The following IFT25 variants were observed in gnomAD, a reference collection of about 807,000 sequenced individuals.
The protein encoded by IFT25 is intraflagellar transport 25.
At chr1:53,938,899 AC>A in the IFT25 span, among the ~76,000 whole-genome samples, 1 of 151,928 alleles carries the variant, frequency 6.6e-6, no homozygotes, top group Non-Finnish European at 1.5e-5. Flanking sequence ...ACATGGAGAA[AC>A]CCCGTCTCTA....
the IFT25 span, chr1:53,929,938 T>C: frequency 7.0e-7 from 1 of 1,427,258 alleles, no homozygotes; most frequent in South Asian, 1.6e-5. Context: ...CATATATGCC[T>C]TCTGCCTGTG....
chr1:53,943,455 G>A, the IFT25 span, among the ~76,000 whole-genome samples: 1 of 150,594 alleles, frequency 6.6e-6, no homozygotes, highest in Non-Finnish European at 1.5e-5. Context: ...CAAAACATCT[G>A]AAGTTTTAAC....
chr1:53,946,027 A>T, the IFT25 span: 1 of 135,148 alleles, frequency 7.4e-6, no homozygotes, highest in African/African-American at 2.9e-5. Context: ...TCTTAGCGCC[A>T]CGCCTCCCAC....
the IFT25 span, chr1:53,921,881 C>T: frequency 1.5e-6 from 1 of 663,380 alleles, no homozygotes; most frequent in African/African-American, 1.8e-5. Flanking sequence ...TATATAACAA[C>T]ACATAAGGCC....
the IFT25 span, chr1:53,929,795 G>C: frequency 4.7e-6 from 2 of 423,044 alleles, no homozygotes; most frequent in East Asian, 9.2e-5. Flanking sequence ...TGCTTTGGAA[G>C]GGTTTCGAAT....
At chr1:53,931,507 G>T in the IFT25 span, among the ~76,000 whole-genome samples, 1 of 152,120 alleles carries the variant, frequency 6.6e-6, no homozygotes, top group Non-Finnish European at 1.5e-5. Flanking sequence ...TGGAAGACTG[G>T]TATTTCTTCC....
the IFT25 span, among the ~76,000 whole-genome samples, chr1:53,911,679 G>T: frequency 6.6e-6 from 1 of 152,132 alleles, no homozygotes. Flanking sequence ...TAAGTAACTT[G>T]CATAACTTCT....
the IFT25 span, among the ~76,000 whole-genome samples, chr1:53,941,424 A>C: frequency 6.1e-4 from 93 of 152,202 alleles, no homozygotes; most frequent in Non-Finnish European, 9.4e-4. Context: ...ATTTCTTCTT[A>C]GTTTTTGTTT....
the IFT25 span, among the ~76,000 whole-genome samples, chr1:53,945,342 T>C: frequency 2.6e-5 from 4 of 152,196 alleles, no homozygotes; most frequent in African/African-American, 9.7e-5. Flanking sequence ...CTCAAAGAGT[T>C]TCGTGGGCTG....
chr1:53,928,845 G>A, the IFT25 span: 2 of 161,444 alleles, frequency 1.2e-5, no homozygotes, highest in South Asian at 3.6e-4. Flanking sequence ...CTTTACTGGT[G>A]AGAAAACAGG....
chr1:53,925,185 TCTCC>T, the IFT25 span, among the ~76,000 whole-genome samples: 1 of 152,084 alleles, frequency 6.6e-6, no homozygotes, highest in African/African-American at 2.4e-5. Context: ...TCCTTCAACT[TCTCC>T]CTCTTTACCT....
At chr1:53,927,309 T>G in the IFT25 span, among the ~76,000 whole-genome samples, 35 of 152,344 alleles carry the variant, frequency 2.3e-4, no homozygotes, top group Admixed American at 5.9e-4. Context: ...AGGTCTTTTT[T>G]CTAGGGCCAT....
the IFT25 span, among the ~76,000 whole-genome samples, chr1:53,927,142 T>C: frequency 6.6e-6 from 1 of 152,252 alleles, no homozygotes; most frequent in Admixed American, 6.5e-5. Flanking sequence ...TATTCAGGGT[T>C]TGAGGTCTTC....
the IFT25 span, among the ~76,000 whole-genome samples, chr1:53,934,876 G>T: frequency 6.6e-6 from 1 of 152,190 alleles, no homozygotes; most frequent in Non-Finnish European, 1.5e-5. Context: ...GTGCACACCT[G>T]TAGTCATAGC....
the IFT25 span, among the ~76,000 whole-genome samples, chr1:53,931,265 C>T: frequency 6.6e-6 from 1 of 152,168 alleles, no homozygotes; most frequent in Non-Finnish European, 1.5e-5. Flanking sequence ...TGTACAAGTG[C>T]TTGTGAACAT....
At chr1:53,943,592 C>T in the IFT25 span, among the ~76,000 whole-genome samples, 1 of 151,664 alleles carries the variant, frequency 6.6e-6, no homozygotes, top group Non-Finnish European at 1.5e-5. Flanking sequence ...ATCTATTTGG[C>T]GGTGGAAATG....
chr1:53,921,749 T>C, the IFT25 span: 6 of 1,612,970 alleles, frequency 3.7e-6, no homozygotes, highest in Non-Finnish European at 3.4e-6. Context: ...CTCAAGTAAG[T>C]AGCGGAGCCA....
the IFT25 span, among the ~76,000 whole-genome samples, chr1:53,913,842 C>T: frequency 3.9e-5 from 6 of 152,132 alleles, no homozygotes; most frequent in Non-Finnish European, 8.8e-5. Context: ...ACAAAGAGCT[C>T]GTGTGAGCAC....
chr1:53,925,292 C>G, the IFT25 span, among the ~76,000 whole-genome samples: 1 of 152,042 alleles, frequency 6.6e-6, no homozygotes, highest in African/African-American at 2.4e-5. Flanking sequence ...ATGATATTTT[C>G]TTTCTTGTAC....
Sources: allele counts gnomAD v4.1 joint callset (sites outside exome capture counted in the v4.1 genomes callset), GRCh38; gene constraint gnomAD v4.1.1; transcripts MANE v1.5; gene names NCBI Gene and HGNC (gene_info 2026-07-23, HGNC 2026-07-21).